EFCAB8: variants seen among roughly 807,000 people sequenced by gnomAD.
EFCAB8 encodes EF-hand calcium binding domain 8.
Under a neutral mutation model 116.3 loss-of-function variants are expected in EFCAB8, and 100 were observed. The ratio of observed to expected loss-of-function variants is 0.86; its 90% CI spans 0.73 to 1.02. The LOEUF is 1.02. EFCAB8 is among the 50% of genes least tolerant of loss of function. The pLI is 0.00. For synonymous variants in EFCAB8, 558 were observed against 567.9 expected (o/e 0.98, Z 0.25); for missense variants, 1,320 against 1,416.9 (o/e 0.93, Z 1.10).
intron 11 of EFCAB8, among the ~76,000 whole-genome samples, chr20:32,904,173 T>C (rs188054780): frequency 6.6e-6 from 1 of 151,936 alleles, no homozygotes; most frequent in African/African-American, 2.4e-5. Context: ...TTAATTTTTT[T>C]GTACAGATGG....
At chr20:32,958,310 G>T in intron 23 of EFCAB8, 111 bp from the exon 24 acceptor site, 1 of 405,416 alleles carries the variant, frequency 2.5e-6, no homozygotes, top group South Asian at 1.4e-4. Flanking sequence ...TGAGTGTGGG[G>T]GCTGAGGATA....
intron 23 of EFCAB8, among the ~76,000 whole-genome samples, chr20:32,956,173 A>G (rs1988959052): frequency 6.6e-6 from 1 of 152,028 alleles, no homozygotes; most frequent in African/African-American, 2.4e-5. Context: ...GATTATATGT[A>G]TTCTTGACCT....
intron 18 of EFCAB8, 95 bp from the exon 19 acceptor site, chr20:32,918,267 G>A: frequency 2.4e-6 from 3 of 1,263,988 alleles, no homozygotes; most frequent in Admixed American, 4.2e-5. Flanking sequence ...CTGGGGGGCT[G>A]GAGGGCCCTG....
intron 22 of EFCAB8, among the ~76,000 whole-genome samples, chr20:32,931,771 A>G (rs1987920381): frequency 9.7e-6 from 1 of 103,008 alleles, no homozygotes; most frequent in African/African-American, 2.7e-5. Context: ...AAAGAAAAAG[A>G]GTTAGTATTC....
At chr20:32,861,121 C>T (rs1052883514) in intron 1 of EFCAB8, among the ~76,000 whole-genome samples, 1 of 152,114 alleles carries the variant, frequency 6.6e-6, no homozygotes, top group Non-Finnish European at 1.5e-5. Context: ...GTTTGGGTGA[C>T]GTCCTAGGTG....
intron 2 of EFCAB8, among the ~76,000 whole-genome samples, chr20:32,866,596 A>G (rs1398533322): frequency 5.9e-5 from 9 of 151,902 alleles, no homozygotes; most frequent in Admixed American, 3.9e-4. Context: ...AGGGGTCTGT[A>G]TGAGCATTGG....
At chr20:32,944,847 T>C (rs7275157) in intron 23 of EFCAB8, among the ~76,000 whole-genome samples, 10,905 of 152,154 alleles carry the variant, frequency 0.072, 598 homozygotes, top group African/African-American at 0.15. Context: ...AGGTTTCTTT[T>C]CCTTTTTAAG....
chr20:32,921,831 C>CTTTTTTTTTTTTTTTTT (rs11483441), intron 20 of EFCAB8, among the ~76,000 whole-genome samples: 6 of 130,224 alleles, frequency 4.6e-5, no homozygotes, highest in African/African-American at 1.7e-4. Flanking sequence ...TTACCTTATT[C>CTTTTTTTTTTTTTTTTT]TTTTTTTTTT....
chr20:32,899,762 C>T (rs1019193886), intron 11 of EFCAB8, among the ~76,000 whole-genome samples: 4 of 152,044 alleles, frequency 2.6e-5, no homozygotes, highest in East Asian at 2.0e-4. Flanking sequence ...TTAGTAGAGA[C>T]GGGGTTTCTC....
chr20:32,923,349 G>T (rs957146487), intron 20 of EFCAB8, among the ~76,000 whole-genome samples: 1 of 152,000 alleles, frequency 6.6e-6, no homozygotes, highest in Non-Finnish European at 1.5e-5. Flanking sequence ...AGCCAGGGGT[G>T]GCAGCATACT....
chr20:32,897,066 C>T (rs976141347), intron 10 of EFCAB8, among the ~76,000 whole-genome samples: 2 of 152,148 alleles, frequency 1.3e-5, no homozygotes, highest in East Asian at 1.9e-4. Context: ...AGCCCCTTCC[C>T]GCCTCTGTGC....
Position 32,907,695 on chromosome 20 carries a change from A to T in EFCAB8, c.1309-580A>T, listed in dbSNP as rs144481915. On this transcript the variant is annotated intron_variant, in intron 13 of 26. Coordinates refer to ENST00000400522, the MANE Select transcript of EFCAB8 (RefSeq NM_001143967.2). ...TTTCCCAGAAGCCCTGGGAGCTGGG[A>T]TCATCGCCTCTGATGAAGGGTCTGA... 8.8e-4 allele frequency among the ~76,000 whole-genome samples: 134 copies of T among 152,232 alleles called. 1 individual carries two copies. Among genetic ancestry groups the T allele is most frequent in the African/African-American group, 3.0e-3 (126 of 41,550 alleles).
intron 20 of EFCAB8, among the ~76,000 whole-genome samples, chr20:32,921,471 C>T (rs1987451805): frequency 6.6e-6 from 1 of 151,958 alleles, no homozygotes; most frequent in South Asian, 2.1e-4. Context: ...CTGGCTCAGC[C>T]TCCCAAAGTG....
At chr20:32,897,814 A>G (rs117487769) in intron 10 of EFCAB8, among the ~76,000 whole-genome samples, 2,843 of 152,200 alleles carry the variant, frequency 0.019, 54 homozygotes, top group Middle Eastern at 0.027. Context: ...GCTTGGTGAC[A>G]GTGTGTGTAA....
intron 1 of EFCAB8, among the ~76,000 whole-genome samples, chr20:32,862,630 A>AT (rs1984169815): frequency 6.6e-6 from 1 of 151,518 alleles, no homozygotes; most frequent in African/African-American, 2.4e-5. Context: ...GATGAATTTT[A>AT]TTTTTTATTT....
chr20:32,885,376 G>GTT, intron 5 of EFCAB8, 129 bp from the exon 6 acceptor site: 6 of 1,244,620 alleles, frequency 4.8e-6, no homozygotes, highest in Non-Finnish European at 6.7e-6. Flanking sequence ...GCGTGCGCAT[G>GTT]TGCGTGCGTG....
chr20:32,887,458 C>T (rs558199443), intron 6 of EFCAB8, among the ~76,000 whole-genome samples: 11 of 152,338 alleles, frequency 7.2e-5, no homozygotes, highest in African/African-American at 2.4e-4. Flanking sequence ...CCCCTGTAAT[C>T]CCAGCTACTT....
chr20:32,884,111 GTTCC>G (rs1985487271), intron 5 of EFCAB8, among the ~76,000 whole-genome samples: 22 of 152,206 alleles, frequency 1.4e-4, no homozygotes, highest in Admixed American at 1.3e-3. Flanking sequence ...CAAGAGGCTT[GTTCC>G]TATATTCTCC....
At chr20:32,881,176 A>G (rs1163175056) in intron 5 of EFCAB8, among the ~76,000 whole-genome samples, 2 of 152,190 alleles carry the variant, frequency 1.3e-5, no homozygotes, top group African/African-American at 4.8e-5. Flanking sequence ...CATTGAGCTA[A>G]GAGACAATGT....
Sources: gnomAD v4.1 joint callset for allele counts (sites outside exome capture counted in the v4.1 genomes callset) on GRCh38, gnomAD v4.1.1 for gene constraint, MANE v1.5 for transcripts, NCBI Gene and HGNC (gene_info 2026-07-23, HGNC 2026-07-21) for gene names.